SEC13: variants seen among roughly 807,000 people sequenced by gnomAD.
The protein encoded by SEC13 is protein SEC13 homolog.
Under a neutral mutation model 49.2 loss-of-function variants are expected in SEC13, and 25 were observed. The observed-to-expected ratio is 0.51, with a 90% CI of 0.37 to 0.71. The LOEUF is 0.71. Among genes scored for constraint, SEC13 ranks in the 30% least tolerant of loss-of-function variants. The probability of loss-of-function intolerance (pLI) is 0.00; values close to 1 mark genes in which losing one functional copy is unlikely to be tolerated. For synonymous variants in SEC13, 148 were observed against 163.9 expected (o/e 0.90, Z 0.74); for missense variants, 383 against 417.6 (o/e 0.92, Z 0.72).
rs1700495675 is a variant in SEC13, at chr3:10,301,343, T to C, written c.887A>G (p.Gln296Arg). The part of the protein sequence containing the change: ...VTLWKESVDG[Q>R]WVCISDVNKG... ...GTTGACATCACTGATGCACACCCAC[T>C]GCCCATCAACTGACTCCTTCCACAG... The change falls in exon 9 of 9, where the codon CAG (glutamine) becomes CGG (arginine). Residue 296 changes from glutamine to arginine, a missense_variant. Gln to Arg is a conservative substitution (Grantham distance 43, BLOSUM62 1). Coordinates refer to ENST00000350697, the MANE Select transcript of SEC13 (RefSeq NM_183352.3). 1 of 1,614,058 alleles carries C rather than the reference T, an allele frequency of 6.2e-7. No homozygotes were observed. Among genetic ancestry groups the C allele is most frequent in the Admixed American group, 1.7e-5 (1 of 59,998 alleles).
chr3:10,306,648 C>T (rs899373989), intron 5 of SEC13, among the ~76,000 whole-genome samples: 11 of 152,166 alleles, frequency 7.2e-5, no homozygotes, highest in Admixed American at 3.9e-4. Context: ...TGAATTCCCA[C>T]GTGTTGTGGG....
At position 10,308,015 on chromosome 3, in the gene SEC13, G is replaced by A. The variant is rs142959929; in HGVS notation, c.451-2323C>T. On this transcript the variant is annotated intron_variant, in intron 5 of 8. Coordinates refer to ENST00000350697, the MANE Select transcript of SEC13 (RefSeq NM_183352.3). The stretch of plus-strand genomic sequence containing the variant: ...AGGGCTCCTAGAAACAATAGTCCCT[G>A]AATTCTTGCATATTGATAATAGTTC... 2.6e-5 allele frequency among the ~76,000 whole-genome samples: 4 copies of A among 152,294 alleles called. No individual in the cohort carries two copies. The East Asian group carries it at 7.7e-4, about 29-fold the overall frequency.
intron 5 of SEC13, 110 bp downstream of exon 5, chr3:10,311,855 C>T: frequency 6.2e-7 from 1 of 1,601,212 alleles, no homozygotes. Flanking sequence ...TGACCACTCC[C>T]CGGCCCACTG....
At chr3:10,303,720 T>A (rs1700685119) in intron 8 of SEC13, 1 of 447,852 alleles carries the variant, frequency 2.2e-6, no homozygotes, top group African/African-American at 2.0e-5. Flanking sequence ...AACATCACCA[T>A]GAGGTGACCA....
intron 8 of SEC13, among the ~76,000 whole-genome samples, chr3:10,302,023 C>T (rs1700558815): frequency 6.6e-6 from 1 of 152,092 alleles, no homozygotes. Flanking sequence ...GGGTGGATCA[C>T]CTGAGGCCAG....
At position 10,301,358 on chromosome 3, in the gene SEC13, T is replaced by G; in HGVS notation, c.872A>C (p.Glu291Ala). The G allele has an allele frequency of 6.2e-7, 1 of 1,614,140 alleles. No homozygotes were observed. The highest frequency in any genetic ancestry group is 1.1e-5 in the South Asian group (1 of 91,074). The change falls in exon 9 of 9, where the codon GAG (glutamate) becomes GCG (alanine). Residue 291 changes from glutamate to alanine, a missense_variant. Coordinates refer to ENST00000350697, the MANE Select transcript of SEC13 (RefSeq NM_183352.3). ...GGDNKVTLWK[E>A]SVDGQWVCIS... ...GCACACCCACTGCCCATCAACTGAC[T>G]CCTTCCACAGGGTCACCTGCGAGTC... is the stretch of plus-strand genomic sequence containing the variant.
At chr3:10,314,828 CTTACA>C (rs1701502252) in intron 3 of SEC13, 1 of 153,588 alleles carries the variant, frequency 6.5e-6, no homozygotes, top group African/African-American at 2.4e-5. Context: ...TGATAGCATT[CTTACA>C]TTATTCTTAC....
chr3:10,313,540 G>C, intron 3 of SEC13: 1 of 428,040 alleles, frequency 2.3e-6, no homozygotes, highest in Non-Finnish European at 5.1e-6. Context: ...TATTAGTGCT[G>C]CTCCTGGTTT....
Position 10,317,001 on chromosome 3 carries a change from CAAAAAAAAAA to C in SEC13, c.48+1039_48+1048del, listed in dbSNP as rs35597823. On this transcript the variant is annotated intron_variant, in intron 2 of 8. Coordinates refer to ENST00000350697, the MANE Select transcript of SEC13 (RefSeq NM_183352.3). ...GGGCTACAAGAGCGAAACTCCATCT[CAAAAAAAAAA>C]AAAAAAAAAAAGAAAAGTACTTAGC... 5.3e-5 allele frequency among the ~76,000 whole-genome samples: 4 copies of C among 74,890 alleles called. 1 individual carries two copies. The South Asian group carries it at 1.9e-3, about 36-fold the overall frequency. 49.1% of individuals were successfully genotyped at this position (74,890 alleles called of 152,430 possible). A position where few individuals can be genotyped will look rare whatever the true frequency, so the allele number is the denominator to read the frequency against.
At chr3:10,303,946 G>C (rs1700700046) in intron 8 of SEC13, 80 bp downstream of exon 8, 1 of 1,510,696 alleles carries the variant, frequency 6.6e-7, no homozygotes. Flanking sequence ...AGTCAGATGG[G>C]AATGTCAAGT....
intron 5 of SEC13, among the ~76,000 whole-genome samples, chr3:10,310,265 C>T (rs527723145): frequency 4.6e-5 from 7 of 152,162 alleles, no homozygotes; most frequent in Admixed American, 3.9e-4. Context: ...CTGAGGTGGG[C>T]GGATCACTTG....
At chr3:10,304,984 G>T in intron 7 of SEC13, 49 bp downstream of exon 7, 1 of 1,612,428 alleles carries the variant, frequency 6.2e-7, no homozygotes, top group African/African-American at 1.3e-5. Flanking sequence ...GAGCTGATGG[G>T]CCTGACTCGA....
chr3:10,305,366 A>G, intron 6 of SEC13, 193 bp downstream of exon 6: 2 of 1,044,080 alleles, frequency 1.9e-6, no homozygotes, highest in Admixed American at 2.8e-5. Flanking sequence ...GTCAGCTCCA[A>G]CAGTTGGGAA....
chr3:10,307,076 C>T (rs1247856718), intron 5 of SEC13, among the ~76,000 whole-genome samples: 1 of 151,836 alleles, frequency 6.6e-6, no homozygotes, highest in Non-Finnish European at 1.5e-5. Flanking sequence ...AAAATTGAGA[C>T]AGGGTCTCAC....
In SEC13 at chr3:10,312,690, T is replaced by C. The variant is rs757397168; in HGVS notation, c.205A>G (p.Met69Val). The C allele has an allele frequency of 1.2e-6, 2 of 1,614,194 alleles. No individual in the cohort carries two copies. Among genetic ancestry groups the C allele is most frequent in the Admixed American group, 1.7e-5 (1 of 60,026 alleles). Residue 69 changes from methionine to valine, a missense_variant, in exon 4 of 9, where the codon ATG becomes GTG. Transcript: ENST00000350697. Reference protein sequence around the residue: ...PVWQVAWAHPMYGNILASCSY... With the variant: ...PVWQVAWAHPVYGNILASCSY... ...CACGATGCCAGGATGTTGCCGTACA[T>C]GGGGTGAGCCCAGGCCACTTGCCAC...
chr3:10,311,296 C>G (rs1319648360), intron 5 of SEC13, among the ~76,000 whole-genome samples: 1 of 152,106 alleles, frequency 6.6e-6, no homozygotes, highest in Non-Finnish European at 1.5e-5. Context: ...CACCTGTGAC[C>G]CTGAACTGGA....
In SEC13 at chr3:10,301,260, G is replaced by A; in HGVS notation, c.*1C>T. ...TGGGGAGCCAGGCCCCACCTGTCTT[G>A]TCACTGCTCGTTCTGCTGGCCCTCT... On this transcript the variant is annotated 3_prime_UTR_variant, in exon 9 of 9. Transcript: ENST00000350697. The A allele has an allele frequency of 1.2e-6, 2 of 1,614,188 alleles. No individual in the cohort carries two copies. Among genetic ancestry groups the A allele is most frequent in the Non-Finnish European group, 1.7e-6 (2 of 1,180,034 alleles).
chr3:10,315,316 C>CT lies in SEC13; in HGVS notation c.164+4dup. 6.2e-7 allele frequency: 1 copy of CT among 1,609,572 alleles called. No individual in the cohort carries two copies. Among genetic ancestry groups the CT allele is most frequent in the Non-Finnish European group, 8.5e-7 (1 of 1,176,008 alleles). On this transcript the variant is annotated splice_donor_region_variant and intron_variant, in intron 3 of 8. Coordinates refer to ENST00000350697, the MANE Select transcript of SEC13 (RefSeq NM_183352.3). Reference sequence around the variant, plus strand: ...GAGCCCTTCCCTGGGCTCGCCAGCACTTACCCCCTGAGGTCGGCGATAAGG... The same window carrying CT: ...GAGCCCTTCCCTGGGCTCGCCAGCACTTTACCCCCTGAGGTCGGCGATAAGG...
chr3:10,318,156 T>C (rs1183805932), intron 1 of SEC13, 62 bp from the exon 2 acceptor site: 1 of 1,103,990 alleles, frequency 9.1e-7, no homozygotes, highest in Non-Finnish European at 1.4e-6. Flanking sequence ...CCATCTCAAG[T>C]TCTTGACTGC....
Sources: gnomAD v4.1 joint callset for allele counts (sites outside exome capture counted in the v4.1 genomes callset) on GRCh38, gnomAD v4.1.1 for gene constraint, MANE v1.5 for transcripts, NCBI Gene and HGNC (gene_info 2026-07-23, HGNC 2026-07-21) for gene names.